MRTFA: variants seen among roughly 807,000 people sequenced by gnomAD.
MRTFA encodes the protein myocardin-related transcription factor A.
Under a neutral mutation model 83.5 loss-of-function variants are expected in MRTFA, and 20 were observed. That is an observed-to-expected ratio of 0.24 (90% CI 0.17 to 0.35). The LOEUF (loss-of-function observed/expected upper bound fraction) is 0.35, where lower values mean the gene tolerates loss of function less well. MRTFA is among the 10% of genes least tolerant of loss of function. The pLI is 1.00. For synonymous variants in MRTFA, 659 were observed against 541.2 expected, an observed-to-expected ratio of 1.22 and a Z score of -3.02; for missense variants, 1,200 against 1,224.7, an observed-to-expected ratio of 0.98 and a Z score of 0.30.
At chr22:40,572,389 C>T (rs2055809033) in intron 2 of MRTFA, among the ~76,000 whole-genome samples, 1 of 151,874 alleles carries the variant, frequency 6.6e-6, no homozygotes, top group African/African-American at 2.4e-5. Flanking sequence ...GTCTGAGAAT[C>T]AAGAGAGCTC....
intron 5 of MRTFA, 110 bp from the exon 6 acceptor site, chr22:40,431,590 T>G: frequency 8.2e-4 from 677 of 824,958 alleles, no homozygotes; most frequent in Non-Finnish European, 1.1e-3. Flanking sequence ...ACCTCTGCAG[T>G]TCCCACAACC....
chr22:40,620,919 C>T (rs1049522823), intron 1 of MRTFA, among the ~76,000 whole-genome samples: 9 of 152,058 alleles, frequency 5.9e-5, no homozygotes, highest in African/African-American at 2.2e-4. Flanking sequence ...TGGTAGCTCA[C>T]GTCTGTAATC....
intron 4 of MRTFA, among the ~76,000 whole-genome samples, chr22:40,441,785 T>G (rs1329815755): frequency 6.6e-6 from 1 of 151,492 alleles, no homozygotes; most frequent in Admixed American, 6.6e-5. Flanking sequence ...AGACTCCATC[T>G]CGGGGGGAAA....
chr22:40,417,615 G>A (rs1365588944), intron 12 of MRTFA, 122 bp from the exon 13 acceptor site: 4 of 690,454 alleles, frequency 5.8e-6, no homozygotes, highest in Non-Finnish European at 9.4e-6. Context: ...GAAGATGGGA[G>A]GCACTGGCTT....
chr22:40,590,798 T>C (rs570095936), intron 2 of MRTFA, among the ~76,000 whole-genome samples: 1 of 151,984 alleles, frequency 6.6e-6, no homozygotes, highest in African/African-American at 2.4e-5. Flanking sequence ...CTAGTCTGTA[T>C]ACACACACAA....
At chr22:40,553,348 A>C (rs1470759966) in intron 2 of MRTFA, among the ~76,000 whole-genome samples, 1 of 152,210 alleles carries the variant, frequency 6.6e-6, no homozygotes, top group African/African-American at 2.4e-5. Context: ...ACAGACCTTC[A>C]CAGCAGCGCC....
chr22:40,488,678 G>A (rs897960940), intron 3 of MRTFA, among the ~76,000 whole-genome samples: 13 of 151,788 alleles, frequency 8.6e-5, no homozygotes, highest in Non-Finnish European at 1.9e-4. Flanking sequence ...CTAAAAATAC[G>A]AAAAATTAGC....
chr22:40,485,065 C>G (rs574758891), intron 3 of MRTFA, among the ~76,000 whole-genome samples: 2 of 144,436 alleles, frequency 1.4e-5, no homozygotes, highest in Non-Finnish European at 3.0e-5. Context: ...AGTGAGACTC[C>G]GTCTCAAAAA....
chr22:40,569,771 ACATACAT>A (rs1049023399), intron 2 of MRTFA: 4 of 106,642 alleles, frequency 3.8e-5, no homozygotes, highest in Non-Finnish European at 4.2e-5. Context: ...ATACATACAT[ACATACAT>A]CAAGGGGGTG....
intron 2 of MRTFA, among the ~76,000 whole-genome samples, chr22:40,557,899 G>A (rs893364371): frequency 3.3e-5 from 5 of 151,840 alleles, no homozygotes; most frequent in African/African-American, 4.8e-5. Flanking sequence ...TCAGCCTCCC[G>A]AGTAACTGGG....
At chr22:40,555,309 TGTTG>T (rs1343335960) in intron 2 of MRTFA, among the ~76,000 whole-genome samples, 1 of 152,178 alleles carries the variant, frequency 6.6e-6, no homozygotes, top group African/African-American at 2.4e-5. Context: ...CAATCCCCAG[TGTTG>T]GAGGCAGGGC....
chr22:40,553,244 G>A (rs1182075346), intron 2 of MRTFA, among the ~76,000 whole-genome samples: 1 of 152,224 alleles, frequency 6.6e-6, no homozygotes, highest in Non-Finnish European at 1.5e-5. Flanking sequence ...ATTTTCTGGG[G>A]AGAAATTCAA....
At chr22:40,578,248 T>C (rs28444678) in intron 2 of MRTFA, among the ~76,000 whole-genome samples, 15,358 of 152,102 alleles carry the variant, frequency 0.1, 936 homozygotes, top group East Asian at 0.25. Flanking sequence ...GCCACCAGGC[T>C]TGGCCAGAAT....
At chr22:40,451,982 T>C (rs901168836) in intron 4 of MRTFA, among the ~76,000 whole-genome samples, 1 of 114,198 alleles carries the variant, frequency 8.8e-6, no homozygotes, top group Non-Finnish European at 1.9e-5. Flanking sequence ...TTGGTTTTTT[T>C]TTTTTTTTTT....
chr22:40,470,278 TATAA>T (rs1327330087), intron 3 of MRTFA, among the ~76,000 whole-genome samples: 1 of 104,184 alleles, frequency 9.6e-6, no homozygotes, highest in African/African-American at 3.6e-5. Context: ...TATATATATA[TATAA>T]AGAAACATAA....
intron 2 of MRTFA, among the ~76,000 whole-genome samples, chr22:40,558,385 G>A (rs984666769): frequency 1.3e-5 from 2 of 150,938 alleles, no homozygotes; most frequent in Admixed American, 6.7e-5. Context: ...AGGATTACAG[G>A]AATGAGCCAC....
At chr22:40,424,603 C>G (rs902752467) in intron 7 of MRTFA, among the ~76,000 whole-genome samples, 1 of 152,212 alleles carries the variant, frequency 6.6e-6, no homozygotes, top group African/African-American at 2.4e-5. Context: ...GCCTCCTAGG[C>G]TATCAGAGTG....
chr22:40,623,737 T>C (rs1032536193), intron 1 of MRTFA, among the ~76,000 whole-genome samples: 5 of 152,338 alleles, frequency 3.3e-5, no homozygotes, highest in Non-Finnish European at 5.9e-5. Context: ...AATTAACATG[T>C]ATTAAATACC....
intron 3 of MRTFA, among the ~76,000 whole-genome samples, chr22:40,521,456 T>A (rs1013338246): frequency 1.3e-5 from 2 of 152,130 alleles, no homozygotes; most frequent in Non-Finnish European, 2.9e-5. Context: ...AGTTTGCCCC[T>A]TTTTAAAAGT....
Sources: allele counts gnomAD v4.1 joint callset (sites outside exome capture counted in the v4.1 genomes callset), GRCh38; gene constraint gnomAD v4.1.1; transcripts MANE v1.5; gene names NCBI Gene and HGNC (gene_info 2026-07-23, HGNC 2026-07-21).